The following FHIT variants were observed in gnomAD, a reference collection of about 807,000 sequenced individuals.
FHIT encodes the protein fragile histidine triad diadenosine triphosphatase.
In FHIT, 19 loss-of-function variants were observed where a neutral mutation model predicts 17.9. The observed-to-expected ratio is 1.06, with a 90% confidence interval of 0.74 to 1.56. The LOEUF is 1.56. Ranked by LOEUF, FHIT falls within the 40% of genes most tolerant of loss-of-function variation. The pLI, the probability that FHIT is intolerant of heterozygous loss-of-function variation, is 0.00. For missense variants in FHIT, 248 were observed against 189.2 expected (o/e 1.31, Z -1.82); for synonymous variants, 81 against 69.7 (o/e 1.16, Z -0.81).
intron 1 of FHIT, among the ~76,000 whole-genome samples, chr3:61,211,691 G>C (rs947790137): frequency 6.6e-6 from 1 of 152,224 alleles, no homozygotes; most frequent in Non-Finnish European, 1.5e-5. Flanking sequence ...TGAGAATGGG[G>C]AGACTGCCTC....
At chr3:61,167,628 C>CAAAAAAAAAAAAAAAA (rs34229498) in intron 2 of FHIT, among the ~76,000 whole-genome samples, 1 of 98,948 alleles carries the variant, frequency 1.0e-5, no homozygotes, top group Non-Finnish European at 2.1e-5. Context: ...AACTGTGTCT[C>CAAAAAAAAAAAAAAAA]AAAAAAAAAA....
intron 3 of FHIT, among the ~76,000 whole-genome samples, chr3:60,862,393 C>A (rs1703953631): frequency 6.6e-6 from 1 of 152,028 alleles, no homozygotes; most frequent in African/African-American, 2.4e-5. Context: ...GTCTCAAACT[C>A]CTGGCCTCAA....
intron 5 of FHIT, among the ~76,000 whole-genome samples, chr3:60,295,482 C>T (rs1422262585): frequency 6.6e-6 from 1 of 151,930 alleles, no homozygotes. Flanking sequence ...GTAAAGGTGC[C>T]AGGTAGTTTT....
rs569248678 is a variant in FHIT, at chr3:60,468,420, G to A, written c.103+68440C>T. Among the ~76,000 whole-genome samples the A allele has an allele frequency of 7.9e-5, 12 of 152,092 alleles. No individual in the cohort carries two copies. In the South Asian group the frequency reaches 2.3e-3, roughly 29 times the overall value. ...CTTTTAATGAAGGTGATTTTCTCAA[G>A]TGATATGTTTTTATTGCTTGCTTTT... On this transcript the variant is annotated intron_variant, in intron 5 of 9. Coordinates refer to ENST00000492590, the MANE Select transcript of FHIT (RefSeq NM_002012.4).
At chr3:61,114,564 GA>G (rs573362254) in intron 2 of FHIT, among the ~76,000 whole-genome samples, 4 of 150,050 alleles carry the variant, frequency 2.7e-5, no homozygotes, top group Middle Eastern at 3.4e-3. Context: ...GCACAGAGGG[GA>G]AAAAAAAACA....
intron 5 of FHIT, among the ~76,000 whole-genome samples, chr3:60,226,618 G>A (rs78151343): frequency 0.013 from 1,954 of 152,162 alleles, 46 homozygotes; most frequent in African/African-American, 0.044. Context: ...AACTGGGAAC[G>A]TGTCCAGGCT....
chr3:60,191,393 T>C (rs1702397331), intron 5 of FHIT, among the ~76,000 whole-genome samples: 1 of 152,168 alleles, frequency 6.6e-6, no homozygotes. Context: ...TGTCACCTAG[T>C]GAACTACTCA....
intron 1 of FHIT, among the ~76,000 whole-genome samples, chr3:61,250,754 G>A (rs1225185188): frequency 6.6e-6 from 1 of 152,004 alleles, no homozygotes; most frequent in Non-Finnish European, 1.5e-5. Flanking sequence ...ACCAAGTACC[G>A]ATGAGTTCTC....
At chr3:60,789,124 A>C (rs1700683757) in intron 4 of FHIT, among the ~76,000 whole-genome samples, 1 of 149,444 alleles carries the variant, frequency 6.7e-6, no homozygotes, top group African/African-American at 2.5e-5. Context: ...ATATATAGAT[A>C]TGTATATATA....
At chr3:60,008,847 T>G (rs1274528129) in intron 7 of FHIT, among the ~76,000 whole-genome samples, 2 of 152,238 alleles carry the variant, frequency 1.3e-5, no homozygotes, top group Admixed American at 1.3e-4. Context: ...ACTGCAAGAC[T>G]GGCTTCCAGG....
intron 5 of FHIT, among the ~76,000 whole-genome samples, chr3:60,327,159 T>C (rs1709732722): frequency 1.3e-5 from 2 of 152,184 alleles, no homozygotes; most frequent in Admixed American, 6.5e-5. Flanking sequence ...ACACAGTCTA[T>C]GTTTCATATT....
In FHIT at chr3:60,255,378, A is replaced by T. The variant is rs546637137; in HGVS notation, c.104-241226T>A. On this transcript the variant is annotated intron_variant, in intron 5 of 9. Coordinates refer to ENST00000492590, the MANE Select transcript of FHIT (RefSeq NM_002012.4). Reference sequence around the variant, plus strand: ...CGACAATAACTGCACAGGATGGCACAGGGGTTGCAAAGACAGATGTCTTTA... The same window carrying T: ...CGACAATAACTGCACAGGATGGCACTGGGGTTGCAAAGACAGATGTCTTTA... Among the ~76,000 whole-genome samples the T allele has an allele frequency of 6.6e-5, 10 of 152,264 alleles. No individual in the cohort carries two copies. In the East Asian group the frequency reaches 1.9e-3, roughly 29 times the overall value.
intron 5 of FHIT, among the ~76,000 whole-genome samples, chr3:60,139,877 A>G (rs900202198): frequency 2.0e-5 from 3 of 150,382 alleles, no homozygotes; most frequent in African/African-American, 7.5e-5. Context: ...TAATCTTAGC[A>G]CTTTGGGAGG....
chr3:60,429,771 T>C (rs1425588925), intron 5 of FHIT, among the ~76,000 whole-genome samples: 1 of 152,010 alleles, frequency 6.6e-6, no homozygotes, highest in Non-Finnish European at 1.5e-5. Flanking sequence ...GTTGACTTTA[T>C]CCCCACAACA....
At chr3:60,245,958 G>A (rs1314001500) in intron 5 of FHIT, among the ~76,000 whole-genome samples, 2 of 152,020 alleles carry the variant, frequency 1.3e-5, no homozygotes, top group African/African-American at 4.8e-5. Flanking sequence ...ATGAATAATT[G>A]TAAAATCAAA....
intron 8 of FHIT, among the ~76,000 whole-genome samples, chr3:59,808,779 C>G (rs749098347): frequency 2.6e-5 from 4 of 152,086 alleles, no homozygotes; most frequent in Non-Finnish European, 2.9e-5. Context: ...TCTATAAGAC[C>G]TAACAGCTGA....
chr3:61,044,022 G>A (rs891406877), intron 2 of FHIT, among the ~76,000 whole-genome samples: 4 of 152,160 alleles, frequency 2.6e-5, no homozygotes, highest in African/African-American at 7.2e-5. Flanking sequence ...CCACAAAGAT[G>A]GGGAGAAACC....
rs575375370 is a variant in FHIT at position 60,961,150 on chromosome 3, T to C, written c.-111+80897A>G. 2.6e-5 allele frequency among the ~76,000 whole-genome samples: 4 copies of C among 152,344 alleles called. No homozygotes were observed. In the East Asian group the frequency reaches 5.8e-4, roughly 22 times the overall value. ...CTAAATGGTGTGAGATGGTATCTCA[T>C]TGTGGTTTTGATTTGCATTTCTCTG... On this transcript the variant is annotated intron_variant, in intron 3 of 9. Transcript: ENST00000492590.
At chr3:61,241,273 G>T (rs1394556046) in intron 1 of FHIT, among the ~76,000 whole-genome samples, 3 of 152,068 alleles carry the variant, frequency 2.0e-5, no homozygotes, top group East Asian at 1.9e-4. Flanking sequence ...CTCTAAGCAG[G>T]TTCCAACCCT....
Sources: allele counts gnomAD v4.1 joint callset (sites outside exome capture counted in the v4.1 genomes callset), GRCh38; gene constraint gnomAD v4.1.1; transcripts MANE v1.5; gene names NCBI Gene and HGNC (gene_info 2026-07-23, HGNC 2026-07-21).